PLTP: variants seen among roughly 807,000 people sequenced by gnomAD.
The protein encoded by PLTP is BPI fold containing family E.
In PLTP, 43 loss-of-function variants were observed where a neutral mutation model predicts 54.1. The observed-to-expected ratio is 0.79, with a 90% CI of 0.62 to 1.02. The LOEUF (loss-of-function observed/expected upper bound fraction) is 1.02. Ranked by LOEUF, PLTP falls within the 50% of genes least tolerant of loss-of-function variation. The pLI is 0.00. For synonymous variants in PLTP, 263 were observed against 264.6 expected, an observed-to-expected ratio of 0.99 and a Z score of 0.06; for missense variants, 604 against 645.9, an observed-to-expected ratio of 0.94 and a Z score of 0.70.
intron 12 of PLTP, among the ~76,000 whole-genome samples, chr20:45,900,098 CTTTTTTTTTTTTTTTTT>C (rs71181874): frequency 5.4e-5 from 3 of 55,698 alleles, no homozygotes; most frequent in Non-Finnish European, 1.0e-4. Context: ...TTGAGCACCT[CTTTTTTTTTTTTTTTTT>C]TTTTTTTTTT....
chr20:45,910,695 A>G (rs902860111), intron 3 of PLTP, among the ~76,000 whole-genome samples: 2 of 151,430 alleles, frequency 1.3e-5, no homozygotes, highest in Admixed American at 6.6e-5. Context: ...CGGTCTTTTA[A>G]TAGAGTCCGT....
chr20:45,909,757 T>C (rs546401784), intron 4 of PLTP, 86 bp from the exon 5 acceptor site: 530 of 1,508,710 alleles, frequency 3.5e-4, no homozygotes, highest in Non-Finnish European at 2.8e-4. Flanking sequence ...CTTAATAAGG[T>C]TTCACCTCTT....
intron 3 of PLTP, 27 bp from the exon 4 acceptor site, chr20:45,910,097 A>C (rs1314477388): frequency 8.7e-6 from 14 of 1,612,544 alleles, no homozygotes; most frequent in Non-Finnish European, 1.0e-5. Flanking sequence ...GGTCAGATCC[A>C]GGGCCAAGAA....
At chr20:45,908,645 CA>C (rs976212051) in intron 5 of PLTP, among the ~76,000 whole-genome samples, 6 of 151,754 alleles carry the variant, frequency 4.0e-5, no homozygotes, top group Non-Finnish European at 8.8e-5. Flanking sequence ...ACTAAAAATA[CA>C]AAAAAAGTAG....
At chr20:45,900,574 G>A (rs2083175425) in intron 12 of PLTP, among the ~76,000 whole-genome samples, 1 of 151,818 alleles carries the variant, frequency 6.6e-6, no homozygotes, top group African/African-American at 2.4e-5. Context: ...TGTTGCCCAG[G>A]CTGGAGGGCA....
chr20:45,908,797 C>T (rs1056266040), intron 5 of PLTP, among the ~76,000 whole-genome samples: 3 of 150,964 alleles, frequency 2.0e-5, no homozygotes, highest in African/African-American at 7.3e-5. Flanking sequence ...GTGAGACTCC[C>T]TCTCAAAAAA....
At chr20:45,911,288 C>G in intron 2 of PLTP, 37 bp from the exon 3 acceptor site, 2 of 1,613,466 alleles carry the variant, frequency 1.2e-6, no homozygotes, top group Non-Finnish European at 1.7e-6. Context: ...AGCTCCCGTG[C>G]CCACTGTTGG....
At chr20:45,899,365 T>C (rs2145827158) in intron 15 of PLTP, 97 bp downstream of exon 15, 1 of 1,297,126 alleles carries the variant, frequency 7.7e-7, no homozygotes, top group Non-Finnish European at 1.1e-6. Context: ...GAGGGGCGAC[T>C]GGTAATGGGG....
rs766591506 is a variant in PLTP, at chr20:45,898,918, CT to C, written c.*22del. 6.2e-7 allele frequency: 1 copy of C among 1,612,034 alleles called. No individual in the cohort carries two copies. Among genetic ancestry groups the C allele is most frequent in the African/African-American group, 1.3e-5 (1 of 75,002 alleles). On this transcript the variant is annotated 3_prime_UTR_variant, in exon 16 of 16. Coordinates refer to ENST00000372431, the MANE Select transcript of PLTP (RefSeq NM_006227.4). This position sits in a 1 kb window ranked among gnomAD's most constrained non-coding sequence, Gnocchi z 4.6. ...GAGGGGTTGGGGTCCTGAATGACAG[CT>C]GCCAGCTTGGGGATTGAGGGCTCAG...
intron 8 of PLTP, among the ~76,000 whole-genome samples, chr20:45,905,427 A>G (rs2083230483): frequency 6.6e-6 from 1 of 152,250 alleles, no homozygotes; most frequent in South Asian, 2.1e-4. Context: ...GTGCATACTC[A>G]TGCTTCTTTG....
At chr20:45,903,739 G>A (rs565281020) in intron 10 of PLTP, among the ~76,000 whole-genome samples, 5 of 152,092 alleles carry the variant, frequency 3.3e-5, no homozygotes, top group Admixed American at 1.3e-4. Context: ...AGGCTGAGTC[G>A]TCATGGCAGA....
intron 3 of PLTP, chr20:45,910,838 A>G: frequency 7.9e-6 from 10 of 1,264,920 alleles, no homozygotes; most frequent in Non-Finnish European, 9.1e-6. Context: ...CCGAGACTCC[A>G]CTCTCATCTA....
intron 7 of PLTP, 61 bp downstream of exon 7, chr20:45,907,631 G>A (rs1198654674): frequency 2.0e-6 from 3 of 1,478,262 alleles, no homozygotes; most frequent in Non-Finnish European, 2.8e-6. Flanking sequence ...GGCTCGGAAG[G>A]GGCCTGCTCT....
chr20:45,904,818 A>C lies in PLTP; in HGVS notation c.924T>G (p.Phe308Leu). 15 of 1,614,218 alleles carry C rather than the reference A, an allele frequency of 9.3e-6. No homozygotes were observed. The highest frequency in any genetic ancestry group is 1.3e-5 in the Non-Finnish European group (15 of 1,180,028). ...CACTCACCAGCAGGACAATGCTCCC[A>C]AAGTAGGTGGCCCTCAGCAGCATGT... is the stretch of plus-strand genomic sequence containing the variant. ...DLDMLLRATY[F>L]GSIVLLSPAV... Residue 308 changes from phenylalanine to leucine, a missense_variant, in exon 10 of 16, where the codon TTT (phenylalanine) becomes TTG (leucine). Physicochemically the swap from Phe to Leu is conservative, Grantham distance 22. Transcript: ENST00000372431.
At chr20:45,908,563 G>C (rs956047551) in intron 5 of PLTP, among the ~76,000 whole-genome samples, 8 of 152,244 alleles carry the variant, frequency 5.3e-5, no homozygotes, top group African/African-American at 1.9e-4. Flanking sequence ...ACTTTGGTAG[G>C]CCGAGGCGGA....
rs190065797 is a variant in PLTP at position 45,905,564 on chromosome 20, G to A, written c.706-446C>T. Among the ~76,000 whole-genome samples, 18 of 152,330 alleles carry A rather than the reference G, an allele frequency of 1.2e-4. 1 individual carries two copies. The highest frequency in any genetic ancestry group is 1.2e-3 in the East Asian group (6 of 5,184). On this transcript the variant is annotated intron_variant, in intron 8 of 15. Transcript: ENST00000372431. ...CAACTGAAAACTTATGCTTAGGGCCGTGCAGCTAGTCAGTGGCAGAGCTAG... is the reference window on the plus strand; with the variant it reads ...CAACTGAAAACTTATGCTTAGGGCCATGCAGCTAGTCAGTGGCAGAGCTAG...
intron 10 of PLTP, among the ~76,000 whole-genome samples, chr20:45,903,673 G>A (rs2083208643): frequency 6.6e-6 from 1 of 152,132 alleles, no homozygotes; most frequent in Non-Finnish European, 1.5e-5. Context: ...AACCATGTGA[G>A]GCCGATATTA....
At position 45,911,438 on chromosome 20, in the gene PLTP, C is replaced by G; in HGVS notation, c.15G>C (p.Gly5=). The G allele has an allele frequency of 6.2e-7, 1 of 1,605,216 alleles. No individual in the cohort carries two copies. The highest frequency in any genetic ancestry group is 8.5e-7 in the Non-Finnish European group (1 of 1,179,962). Residue 5 remains glycine (G), a synonymous_variant, in exon 2 of 16, where the codon GGG becomes GGC. Coordinates refer to ENST00000372431, the MANE Select transcript of PLTP (RefSeq NM_006227.4). ...CTGCCAGCAGCGCTAGGAAGAGGGCCCCGAAGAGGGCCATGGCGAGCGGGC... is the reference window on the plus strand; with the variant it reads ...CTGCCAGCAGCGCTAGGAAGAGGGCGCCGAAGAGGGCCATGGCGAGCGGGC... MALF[G]ALFLALLAGA... is the part of the protein sequence containing the mutation.
chr20:45,908,426 C>T (rs1417952035), intron 5 of PLTP, among the ~76,000 whole-genome samples: 1 of 152,098 alleles, frequency 6.6e-6, no homozygotes, highest in Admixed American at 6.6e-5. Context: ...GACAGTGTAC[C>T]AACACCAGGT....
Sources: gnomAD v4.1 joint callset for allele counts (sites outside exome capture counted in the v4.1 genomes callset) on GRCh38, gnomAD v4.1.1 for gene constraint, Gnocchi (gnomAD v3.1) non-coding constraint, MANE v1.5 for transcripts, NCBI Gene and HGNC (gene_info 2026-07-23, HGNC 2026-07-21) for gene names.